The following SHISA9 variants were observed in gnomAD, a reference collection of about 807,000 sequenced individuals.
The protein encoded by SHISA9 is protein shisa-9.
In SHISA9, 13 loss-of-function variants were observed where a neutral mutation model predicts 38.0. The observed-to-expected ratio is 0.34, with a 90% CI of 0.22 to 0.54. SHISA9 has a LOEUF of 0.54. Among genes scored for constraint, SHISA9 ranks in the 20% least tolerant of loss-of-function variants. The probability of loss-of-function intolerance (pLI) is 0.91; values close to 1 mark genes in which losing one functional copy is unlikely to be tolerated. For synonymous variants in SHISA9, 275 were observed against 242.0 expected, an observed-to-expected ratio of 1.14 and a Z score of -1.27; for missense variants, 538 against 575.8, an observed-to-expected ratio of 0.93 and a Z score of 0.67.
the SHISA9 span, among the ~76,000 whole-genome samples, chr16:13,548,837 A>G: frequency 6.6e-6 from 1 of 152,210 alleles, no homozygotes; most frequent in Non-Finnish European, 1.5e-5. Context: ...GAACTACCAT[A>G]TGATCCAGTA....
At chr16:12,939,238 C>A (rs1304830831) in intron 2 of SHISA9, among the ~76,000 whole-genome samples, 5 of 152,110 alleles carry the variant, frequency 3.3e-5, no homozygotes, top group African/African-American at 1.2e-4. Context: ...TGCTCACCAC[C>A]ACGCCTGGCT....
At chr16:13,401,260 T>C in the SHISA9 span, among the ~76,000 whole-genome samples, 1 of 152,170 alleles carries the variant, frequency 6.6e-6, no homozygotes, top group Non-Finnish European at 1.5e-5. Flanking sequence ...TTTTTACAGA[T>C]GAGAAAGCCA....
Position 12,901,896 on chromosome 16 carries a change from G to C in SHISA9, c.-169G>C, listed in dbSNP as rs925489806. On this transcript the variant is annotated 5_prime_UTR_variant, in exon 1 of 5. Transcript: ENST00000558583. The stretch of plus-strand genomic sequence containing the variant: ...GGCTGAGGCGAACGCGGGCTGAGCC[G>C]AGCGCAGTGGCCGCCGACCACCGAG... The C allele has an allele frequency of 9.8e-6, 3 of 305,202 alleles. No individual in the cohort carries two copies. The highest frequency in any genetic ancestry group is 4.5e-5 in the African/African-American group (2 of 44,388). The allele number at this position is 305,202 out of a possible 1,614,324, so 18.9% of individuals were successfully genotyped here.
intron 2 of SHISA9, among the ~76,000 whole-genome samples, chr16:13,165,657 C>T (rs1236182980): frequency 2.6e-5 from 4 of 152,136 alleles, no homozygotes; most frequent in Non-Finnish European, 5.9e-5. Flanking sequence ...AATGTCTTTC[C>T]TCTCTGTCTT....
chr16:13,559,412 C>CT, the SHISA9 span, among the ~76,000 whole-genome samples: 1 of 148,952 alleles, frequency 6.7e-6, no homozygotes. Flanking sequence ...CATTCTCGCT[C>CT]TGTCACCCAA....
intron 2 of SHISA9, among the ~76,000 whole-genome samples, chr16:13,113,122 A>G (rs2073995724): frequency 6.7e-6 from 1 of 149,854 alleles, no homozygotes; most frequent in Admixed American, 6.8e-5. Context: ...AGGCACGAGA[A>G]TCGCTTCAAC....
intron 4 of SHISA9, among the ~76,000 whole-genome samples, chr16:13,214,038 G>C (rs1461527748): frequency 1.3e-5 from 2 of 152,228 alleles, no homozygotes; most frequent in African/African-American, 4.8e-5. Flanking sequence ...TAGATCTGCA[G>C]TTTGAACCTC....
the SHISA9 span, among the ~76,000 whole-genome samples, chr16:13,456,484 C>A: frequency 1.3e-5 from 2 of 152,272 alleles, no homozygotes; most frequent in African/African-American, 4.8e-5. Context: ...TCTGGGATGC[C>A]GATGTCCATT....
chr16:13,012,985 T>G (rs867999968), intron 2 of SHISA9, among the ~76,000 whole-genome samples: 13 of 152,214 alleles, frequency 8.5e-5, no homozygotes, highest in African/African-American at 3.1e-4. Context: ...GGGAGGGGCG[T>G]GGAGGGAGAC....
intron 4 of SHISA9, among the ~76,000 whole-genome samples, chr16:13,223,263 A>G (rs945150322): frequency 6.6e-6 from 1 of 152,008 alleles, no homozygotes; most frequent in African/African-American, 2.4e-5. Context: ...ACCCTTCTCT[A>G]CAAAAATAAA....
At chr16:13,136,792 A>G (rs936353215) in intron 2 of SHISA9, among the ~76,000 whole-genome samples, 4 of 152,186 alleles carry the variant, frequency 2.6e-5, no homozygotes, top group African/African-American at 9.6e-5. Context: ...ATGTGGAAAA[A>G]TTACGGCAGC....
At chr16:13,365,418 C>A in the SHISA9 span, among the ~76,000 whole-genome samples, 1 of 150,062 alleles carries the variant, frequency 6.7e-6, no homozygotes, top group Non-Finnish European at 1.5e-5. Context: ...TTTAACATAC[C>A]TTATCCCTCT....
intron 2 of SHISA9, among the ~76,000 whole-genome samples, chr16:13,020,251 C>A (rs541068233): frequency 6.6e-6 from 1 of 151,730 alleles, no homozygotes; most frequent in African/African-American, 2.4e-5. Flanking sequence ...GTCTTGAACT[C>A]CTGACCTCAG....
intron 2 of SHISA9, among the ~76,000 whole-genome samples, chr16:12,961,359 T>C (rs181371744): frequency 1.1e-4 from 17 of 152,252 alleles, no homozygotes; most frequent in African/African-American, 3.4e-4. Flanking sequence ...GGTGTTTTTC[T>C]TGACGGCAAT....
At chr16:12,908,626 A>G in intron 1 of SHISA9, 1 of 1,550,846 alleles carries the variant, frequency 6.4e-7, no homozygotes. Flanking sequence ...TTTGAGTGCA[A>G]ACCTGCAGGA....
chr16:13,203,356 C>A lies in SHISA9; in HGVS notation c.692-38C>A. The A allele has an allele frequency of 4.7e-6, 7 of 1,483,398 alleles. No homozygotes were observed. In the South Asian group the frequency reaches 7.1e-5, roughly 15 times the overall value. The allele number at this position is 1,483,398 out of a possible 1,614,324, so 91.9% of individuals were successfully genotyped here. On this transcript the variant is annotated intron_variant, in intron 2 of 4. Coordinates refer to ENST00000558583, the MANE Select transcript of SHISA9 (RefSeq NM_001145204.3). The stretch of plus-strand genomic sequence containing the variant: ...GGGAGGGAAGGTAGATGGTTCTGCC[C>A]TGTCTGTGACAATCTCCTTCTGTGT...
the SHISA9 span, among the ~76,000 whole-genome samples, chr16:13,390,799 A>C: frequency 2.6e-5 from 4 of 152,228 alleles, no homozygotes; most frequent in African/African-American, 4.8e-5. Context: ...GGGAGAAAGA[A>C]GATTTCATGG....
At chr16:12,991,162 T>C (rs1301560170) in intron 2 of SHISA9, among the ~76,000 whole-genome samples, 6 of 152,214 alleles carry the variant, frequency 3.9e-5, no homozygotes, top group Non-Finnish European at 1.5e-5. Context: ...TTGTTTGTAT[T>C]TATTCTGTGA....
At chr16:13,508,555 C>T in the SHISA9 span, among the ~76,000 whole-genome samples, 3 of 151,938 alleles carry the variant, frequency 2.0e-5, no homozygotes, top group Non-Finnish European at 4.4e-5. Flanking sequence ...TGTATACTTC[C>T]AATAGCGTTG....
Sources: allele counts gnomAD v4.1 joint callset (sites outside exome capture counted in the v4.1 genomes callset), GRCh38; gene constraint gnomAD v4.1.1; transcripts MANE v1.5; gene names NCBI Gene and HGNC (gene_info 2026-07-23, HGNC 2026-07-21).